The following PLXND1 variants were observed in gnomAD, a reference collection of about 807,000 sequenced individuals.
PLXND1 encodes the protein plexin-D1.
A neutral mutation model predicts 197.7 loss-of-function variants in PLXND1; 54 were observed. The ratio of observed to expected loss-of-function variants is 0.27; its 90% CI spans 0.22 to 0.34. The LOEUF is 0.34. Ranked by LOEUF, PLXND1 falls within the 10% of genes least tolerant of loss-of-function variation. PLXND1 has a pLI of 1.00. For synonymous variants in PLXND1, 1,180 were observed against 1,161.2 expected, an observed-to-expected ratio of 1.02 and a Z score of -0.33; for missense variants, 2,127 against 2,699.2, an observed-to-expected ratio of 0.79 and a Z score of 4.70.
intron 1 of PLXND1, among the ~76,000 whole-genome samples, chr3:129,605,034 GC>G (rs1369384731): frequency 6.6e-6 from 1 of 152,118 alleles, no homozygotes; most frequent in African/African-American, 2.4e-5. Context: ...GGCTTTATGC[GC>G]ACCTGGGTAC....
intron 8 of PLXND1, among the ~76,000 whole-genome samples, chr3:129,583,187 T>C (rs1265575655): frequency 6.6e-6 from 1 of 152,062 alleles, no homozygotes; most frequent in Non-Finnish European, 1.5e-5. Flanking sequence ...CCTGAACACC[T>C]AGGGTTGTTG....
intron 15 of PLXND1, 99 bp from the exon 16 acceptor site, chr3:129,571,943 G>A (rs1322242345): frequency 1.8e-6 from 2 of 1,125,786 alleles, no homozygotes; most frequent in East Asian, 5.2e-5. Flanking sequence ...CACTTGGCCT[G>A]GGGTTCAAGG....
intron 12 of PLXND1, 100 bp downstream of exon 12, chr3:129,574,236 T>G: frequency 9.3e-7 from 1 of 1,080,802 alleles, no homozygotes; most frequent in African/African-American, 1.6e-5. Context: ...TGTGTCGGTG[T>G]ATGTGCCGTT....
intron 29 of PLXND1, 120 bp from the exon 30 acceptor site, chr3:129,560,843 G>C (rs1235510971): frequency 9.6e-6 from 7 of 730,284 alleles, no homozygotes; most frequent in Non-Finnish European, 1.8e-5. Context: ...AGAAACAGAA[G>C]CAGAGACAGA....
At chr3:129,587,363 G>T (rs957187643) in intron 2 of PLXND1, among the ~76,000 whole-genome samples, 3 of 152,242 alleles carry the variant, frequency 2.0e-5, no homozygotes, top group Non-Finnish European at 4.4e-5. Context: ...AAGGCTAGGG[G>T]TGTGGAACCA....
intron 1 of PLXND1, chr3:129,591,718 G>A (rs2085544774): frequency 6.6e-6 from 1 of 152,102 alleles, no homozygotes. Context: ...AAAATTCAGG[G>A]CAAATCATGC....
intron 13 of PLXND1, among the ~76,000 whole-genome samples, chr3:129,573,225 A>G (rs760889761): frequency 6.6e-6 from 1 of 151,956 alleles, no homozygotes; most frequent in Non-Finnish European, 1.5e-5. Flanking sequence ...GCTCACGCGT[A>G]TTTCCTACGG....
intron 12 of PLXND1, among the ~76,000 whole-genome samples, chr3:129,574,075 C>T (rs1261935872): frequency 6.6e-6 from 1 of 152,218 alleles, no homozygotes; most frequent in East Asian, 1.9e-4. Context: ...AAACTAACAA[C>T]ATTCAGCCCT....
Position 129,606,551 on chromosome 3 carries a change from G to A in PLXND1, c.89C>T (p.Pro30Leu), listed in dbSNP as rs778631621. ...PPPFQTPPRC[P>L]VPLLLLLLLG... is the part of the protein sequence containing the mutation. ...GAGCAGCAGCAACAGCAGCGGCACC[G>A]GGCACCGCGGCGGCGTCTGGAACGG... The change falls in exon 1 of 36, where the codon CCG (proline) becomes CTG (leucine). Residue 30 changes from proline to leucine, a missense_variant. Pro to Leu is a moderately conservative substitution (Grantham distance 98, BLOSUM62 -3). This residue lies in a region of PLXND1 where 245 missense variants were observed against 267.1 expected (regional missense o/e 0.92). Coordinates refer to ENST00000324093, the MANE Select transcript of PLXND1 (RefSeq NM_015103.3). 2.5e-5 allele frequency: 32 copies of A among 1,278,522 alleles called. No individual in the cohort carries two copies. The highest frequency in any genetic ancestry group is 4.1e-5 in the Admixed American group (1 of 24,116). The allele number at this position is 1,278,522 out of a possible 1,614,324, so 79.2% of individuals were successfully genotyped here.
At position 129,571,411 on chromosome 3, in the gene PLXND1, G is replaced by A. The variant is rs2085225684; in HGVS notation, c.3336+98C>T. The stretch of plus-strand genomic sequence containing the variant: ...GGAGACACAGAGGCAGAGGGAGGAA[G>A]AGGGGACAGAGATGCAGTGGGAGGA... On this transcript the variant is annotated intron_variant, in intron 17 of 35. Transcript: ENST00000324093. 8 of 1,521,948 alleles carry A rather than the reference G, an allele frequency of 5.3e-6. No individual in the cohort carries two copies. In the South Asian group the frequency reaches 8.1e-5, roughly 15 times the overall value. 94.3% of individuals were successfully genotyped at this position (1,521,948 alleles called of 1,614,324 possible). A position where few individuals can be genotyped will look rare whatever the true frequency, so the allele number is the denominator to read the frequency against.
chr3:129,575,434 C>T, intron 11 of PLXND1, 35 bp downstream of exon 11: 1 of 1,346,024 alleles, frequency 7.4e-7, no homozygotes, highest in Non-Finnish European at 1.0e-6. Context: ...TGCACTGAGG[C>T]CCCGAGGCCA....
Position 129,606,593 on chromosome 3 carries a change from G to A in PLXND1, c.47C>T (p.Ala16Val), listed in dbSNP as rs2085799163. Reference protein sequence around the residue: ...AGGAPLSARAAAASPPPFQTP... With the variant: ...AGGAPLSARAVAASPPPFQTP... Reference sequence around the variant, plus strand: ...CTGGAACGGCGGGGGGCTGGCGGCGGCGGCCCGGGCGCTAAGGGGTGCGCC... The same window carrying A: ...CTGGAACGGCGGGGGGCTGGCGGCGACGGCCCGGGCGCTAAGGGGTGCGCC... Residue 16 changes from alanine (A) to valine (V), a missense_variant, in exon 1 of 36, where the codon GCC (alanine) becomes GTC (valine). Physicochemically the swap from Ala to Val is moderately conservative, Grantham distance 64. Around this residue, in one of 6 missense-constraint regions of PLXND1, gnomAD observed 245 missense variants for 267.1 expected, o/e 0.92. Coordinates refer to ENST00000324093, the MANE Select transcript of PLXND1 (RefSeq NM_015103.3). The A allele has an allele frequency of 1.6e-6, 2 of 1,212,166 alleles. No individual in the cohort carries two copies. Among genetic ancestry groups the A allele is most frequent in the Non-Finnish European group, 2.0e-6 (2 of 975,968 alleles). The allele number at this position is 1,212,166 out of a possible 1,614,324, so 75.1% of individuals were successfully genotyped here.
rs372961594 is a variant in PLXND1 at position 129,573,582 on chromosome 3, G to A, written c.2837+12C>T. On this transcript the variant is annotated intron_variant, in intron 13 of 35. Coordinates refer to ENST00000324093, the MANE Select transcript of PLXND1 (RefSeq NM_015103.3). ...GCTGGAGAAGGTAGGTGGGGGCACC[G>A]TGGCTACTCACTCCTCCGACACCGT... is the stretch of plus-strand genomic sequence containing the variant. 1.1e-4 allele frequency: 170 copies of A among 1,610,196 alleles called. No individual in the cohort carries two copies. Among genetic ancestry groups the A allele is most frequent in the African/African-American group, 1.1e-4 (8 of 74,836 alleles).
Position 129,555,242 on chromosome 3 carries a change from A to G in PLXND1, c.*1070T>C. The stretch of plus-strand genomic sequence containing the variant: ...GTTTGTCCGTAAGGCTTTTATTATA[A>G]AGAAGATTCCAGAGTCCCAGCTGCC... On this transcript the variant is annotated 3_prime_UTR_variant, in exon 36 of 36. Coordinates refer to ENST00000324093, the MANE Select transcript of PLXND1 (RefSeq NM_015103.3). The G allele has an allele frequency of 1.1e-5, 5 of 445,334 alleles. No homozygotes were observed. Among genetic ancestry groups the G allele is most frequent in the Non-Finnish European group, 1.6e-5 (4 of 254,242 alleles). The allele number at this position is 445,334 out of a possible 1,614,324, so 27.6% of individuals were successfully genotyped here.
rs529538419 is a variant in PLXND1 at position 129,594,635 on chromosome 3, C to A, written c.1312-5108G>T. Among the ~76,000 whole-genome samples, 19 of 152,244 alleles carry A rather than the reference C, an allele frequency of 1.2e-4. No individual in the cohort carries two copies. The South Asian group carries it at 3.9e-3, about 32-fold the overall frequency. On this transcript the variant is annotated intron_variant, in intron 1 of 35. Coordinates refer to ENST00000324093, the MANE Select transcript of PLXND1 (RefSeq NM_015103.3). ...AGAGAGCTTTTAAAACTGCAAAGCG[C>A]TTAATGCAACATGGGCTCCTGGAAA...
chr3:129,573,602 C>T lies in PLXND1; in HGVS notation c.2829G>A (p.Val943=), dbSNP rs78861886. The T allele has an allele frequency of 9.4e-4, 1,519 of 1,613,066 alleles. 13 individuals are homozygous for T. In the African/African-American group the frequency reaches 0.016, roughly 17 times the overall value. ...GCACCGTGGCTACTCACTCCTCCGA[C>T]ACCGTGTATCTGTCAGGCAGTGGCT... The part of the protein sequence containing the change: ...ACEPLPDRYT[V]SEEIVCVTGP... The change falls in exon 13 of 36, where the codon GTG becomes GTA. Residue 943 remains valine, a synonymous_variant. Coordinates refer to ENST00000324093, the MANE Select transcript of PLXND1 (RefSeq NM_015103.3).
Position 129,567,654 on chromosome 3 carries a change from G to A in PLXND1, c.3973+44C>T, listed in dbSNP as rs202029186. On this transcript the variant is annotated intron_variant, in intron 21 of 35. Coordinates refer to ENST00000324093, the MANE Select transcript of PLXND1 (RefSeq NM_015103.3). ...AGCGGCCCGAGAACCCATCCCCTAG[G>A]AGGGAAAGTTGAGGCCCAGCCCTGC... is the stretch of plus-strand genomic sequence containing the variant. The A allele has an allele frequency of 3.8e-6, 6 of 1,578,860 alleles. No individual in the cohort carries two copies. The South Asian group carries it at 6.6e-5, about 17-fold the overall frequency.
intron 1 of PLXND1, among the ~76,000 whole-genome samples, chr3:129,596,257 C>T (rs544150518): frequency 1.1e-4 from 16 of 152,206 alleles, no homozygotes; most frequent in Admixed American, 7.8e-4. Flanking sequence ...TCAAAGCATC[C>T]GAGGCTGGAT....
chr3:129,555,480 G>A lies in PLXND1; in HGVS notation c.*832C>T, dbSNP rs764604078. 1.5e-6 allele frequency: 1 copy of A among 681,392 alleles called. No homozygotes were observed. The highest frequency in any genetic ancestry group is 2.6e-6 in the Non-Finnish European group (1 of 379,706). 42.2% of individuals were successfully genotyped at this position (681,392 alleles called of 1,614,324 possible). A position where few individuals can be genotyped will look rare whatever the true frequency, so the allele number is the denominator to read the frequency against. On this transcript the variant is annotated 3_prime_UTR_variant, in exon 36 of 36. Transcript: ENST00000324093. ...GGGAGCCTCTCGGGACCCCTCCCCG[G>A]GTCCTCTGCGCAAGCGGCAGCTATT...
Sources: gnomAD v4.1 joint callset for allele counts (sites outside exome capture counted in the v4.1 genomes callset) on GRCh38, gnomAD v4.1.1 for gene constraint, gnomAD v4.1.1 regional missense constraint, MANE v1.5 for transcripts, NCBI Gene and HGNC (gene_info 2026-07-23, HGNC 2026-07-21) for gene names.